DOT1L: variants seen among roughly 807,000 people sequenced by gnomAD.
DOT1L encodes the protein histone-lysine N-methyltransferase, H3 lysine-79 specific.
DOT1L carries 33 observed loss-of-function variants against 153.3 expected under a neutral mutation model. The ratio of observed to expected loss-of-function variants is 0.22; its 90% CI spans 0.16 to 0.29. DOT1L has a LOEUF of 0.29. DOT1L is among the 10% of genes least tolerant of loss of function. The pLI, the probability that DOT1L is intolerant of heterozygous loss-of-function variation, is 1.00. For synonymous variants in DOT1L, 1,135 were observed against 965.1 expected (o/e 1.18, Z -3.26); for missense variants, 1,847 against 2,119.9 (o/e 0.87, Z 2.53).
At chr19:2,209,762 C>T (rs889391262) in intron 12 of DOT1L, among the ~76,000 whole-genome samples, 4 of 152,206 alleles carry the variant, frequency 2.6e-5, no homozygotes, top group Non-Finnish European at 5.9e-5. Flanking sequence ...CGGAGAACCC[C>T]GTACAGGAAG....
At chr19:2,219,633 A>C (rs1346613477) in intron 22 of DOT1L, among the ~76,000 whole-genome samples, 3 of 152,188 alleles carry the variant, frequency 2.0e-5, no homozygotes, top group African/African-American at 7.2e-5. Context: ...GAGTGGAGCT[A>C]CTGGGTTCTG....
chr19:2,188,480 G>GCCCCCCC (rs375314788), intron 3 of DOT1L, among the ~76,000 whole-genome samples: 2 of 66,998 alleles, frequency 3.0e-5, no homozygotes, highest in Non-Finnish European at 5.7e-5. Flanking sequence ...CCCAGCCGCC[G>GCCCCCCC]CCCCCCCCCC....
intron 27 of DOT1L, chr19:2,228,202 A>G: frequency 7.3e-7 from 1 of 1,364,512 alleles, no homozygotes; most frequent in Non-Finnish European, 9.8e-7. Context: ...TTCACGGTGC[A>G]CCACCAGCCC....
chr19:2,208,319 G>C lies in DOT1L; in HGVS notation c.964-616G>C, dbSNP rs190858209. On this transcript the variant is annotated intron_variant, in intron 11 of 27. Coordinates refer to ENST00000398665, the MANE Select transcript of DOT1L (RefSeq NM_032482.3). This position sits in a 1 kb window ranked among gnomAD's most constrained non-coding sequence, Gnocchi z 4.4. The stretch of plus-strand genomic sequence containing the variant: ...CTGTTCCTGTTGTTGGGGTAGCGGT[G>C]GTTTTCCTTACGGTGGTGCTGGTGT... Among the ~76,000 whole-genome samples the C allele has an allele frequency of 7.2e-4, 109 of 152,280 alleles. 1 individual carries two copies. The highest frequency in any genetic ancestry group is 2.5e-3 in the African/African-American group (105 of 41,558).
In DOT1L at chr19:2,197,303, T is replaced by C. The variant is rs1032700465; in HGVS notation, c.652-2581T>C. ...GTGGTGTCCTGGGTTCTGGGTCCAC[T>C]TGCACTCTGGCCGGAAGTTCCCACA... On this transcript the variant is annotated intron_variant, in intron 7 of 27. Transcript: ENST00000398665. This position sits in a 1 kb window ranked among gnomAD's most constrained non-coding sequence, Gnocchi z 4.1. Among the ~76,000 whole-genome samples the C allele has an allele frequency of 6.6e-6, 1 of 152,206 alleles. No homozygotes were observed. Among genetic ancestry groups the C allele is most frequent in the African/African-American group, 2.4e-5 (1 of 41,444 alleles).
chr19:2,179,447 T>G (rs1200037478), intron 1 of DOT1L, among the ~76,000 whole-genome samples: 1 of 152,180 alleles, frequency 6.6e-6, no homozygotes, highest in African/African-American at 2.4e-5. Context: ...GGATCGCGTC[T>G]GCAACTCTTA....
chr19:2,230,173 C>A lies in DOT1L; in HGVS notation c.*381C>A, dbSNP rs745632861. The stretch of plus-strand genomic sequence containing the variant: ...CAGCCTGCCCCGGTGCTATCTCGTC[C>A]CCAGGCCCGCGCCTGCCTCCACCCG... On this transcript the variant is annotated 3_prime_UTR_variant, in exon 28 of 28. Coordinates refer to ENST00000398665, the MANE Select transcript of DOT1L (RefSeq NM_032482.3). The A allele has an allele frequency of 3.7e-5, 18 of 480,834 alleles. No homozygotes were observed. Among genetic ancestry groups the A allele is most frequent in the Non-Finnish European group, 6.2e-5 (17 of 275,368 alleles). 29.8% of individuals were successfully genotyped at this position (480,834 alleles called of 1,614,324 possible).
intron 1 of DOT1L, among the ~76,000 whole-genome samples, chr19:2,176,831 G>A (rs2021961667): frequency 6.6e-6 from 1 of 152,172 alleles, no homozygotes; most frequent in Non-Finnish European, 1.5e-5. Context: ...TGGGGAAGAC[G>A]CTATGGACAG....
At position 2,191,542 on chromosome 19, in the gene DOT1L, A is replaced by T. The variant is rs1599561637; in HGVS notation, c.493+302A>T. 6.6e-6 allele frequency among the ~76,000 whole-genome samples: 1 copy of T among 151,480 alleles called. No individual in the cohort carries two copies. Among genetic ancestry groups the T allele is most frequent in the Non-Finnish European group, 1.5e-5 (1 of 67,846 alleles). ...ACCAGCTGGGGAGCTAGACCTGTGC[A>T]CCCTCTACTGCTCGCTCCCAGAAGC... On this transcript the variant is annotated intron_variant, in intron 5 of 27. Transcript: ENST00000398665. This position sits in a 1 kb window ranked among gnomAD's most constrained non-coding sequence, Gnocchi z 6.8.
chr19:2,200,691 G>A (rs141780247), intron 8 of DOT1L, among the ~76,000 whole-genome samples: 261 of 151,930 alleles, frequency 1.7e-3, no homozygotes, highest in African/African-American at 6.0e-3. Flanking sequence ...TCCTCTCTGC[G>A]CCCCTCGTCC....
At chr19:2,227,712 C>G (rs1264910103) in intron 27 of DOT1L, 3 of 1,302,684 alleles carry the variant, frequency 2.3e-6, no homozygotes, top group Non-Finnish European at 3.0e-6. Flanking sequence ...CTTGTTGAAG[C>G]TGCGTTTTTC....
At chr19:2,186,777 C>T (rs144760331) in intron 3 of DOT1L, among the ~76,000 whole-genome samples, 237 of 152,348 alleles carry the variant, frequency 1.6e-3, no homozygotes, top group Non-Finnish European at 3.0e-3. Flanking sequence ...CAGGGTCCTG[C>T]GTGCCGACCT....
Position 2,207,780 on chromosome 19 carries a change from C to G in DOT1L, c.963+100C>G. On this transcript the variant is annotated intron_variant, in intron 11 of 27. Transcript: ENST00000398665. This position sits in a 1 kb window ranked among gnomAD's most constrained non-coding sequence, Gnocchi z 4.5. Reference sequence around the variant, plus strand: ...TTTCTCATGTGGCCTCTGAGACCCTCCCCTCAGAGCCCTCAACGCCCCCCG... The same window carrying G: ...TTTCTCATGTGGCCTCTGAGACCCTGCCCTCAGAGCCCTCAACGCCCCCCG... 3.7e-6 allele frequency: 4 copies of G among 1,084,908 alleles called. No individual in the cohort carries two copies. The highest frequency in any genetic ancestry group is 5.2e-6 in the Non-Finnish European group (4 of 764,198). 67.2% of individuals were successfully genotyped at this position (1,084,908 alleles called of 1,614,324 possible).
chr19:2,200,923 G>C (rs543703789), intron 8 of DOT1L, among the ~76,000 whole-genome samples: 2 of 128,322 alleles, frequency 1.6e-5, no homozygotes, highest in Non-Finnish European at 3.3e-5. Flanking sequence ...CGTCCTCCCC[G>C]TATTCCTCAT....
chr19:2,195,566 C>G (rs1172199464), intron 7 of DOT1L, among the ~76,000 whole-genome samples: 1 of 152,132 alleles, frequency 6.6e-6, no homozygotes, highest in African/African-American at 2.4e-5. Flanking sequence ...GCTTCCTATT[C>G]TAGACCTGGA....
intron 2 of DOT1L, among the ~76,000 whole-genome samples, chr19:2,185,104 C>G (rs745332487): frequency 2.0e-5 from 3 of 152,108 alleles, no homozygotes; most frequent in East Asian, 1.9e-4. Context: ...CGGGGTTTCT[C>G]CATGTTGGTC....
At chr19:2,199,587 A>G (rs924191938) in intron 7 of DOT1L, among the ~76,000 whole-genome samples, 1 of 152,160 alleles carries the variant, frequency 6.6e-6, no homozygotes, top group African/African-American at 2.4e-5. Context: ...CGTGGCTTGC[A>G]GGTGTGTGTT....
intron 1 of DOT1L, among the ~76,000 whole-genome samples, chr19:2,172,931 C>G (rs1426330370): frequency 6.6e-6 from 1 of 151,030 alleles, no homozygotes; most frequent in Non-Finnish European, 1.5e-5. Flanking sequence ...GAGCTGAGAT[C>G]GTGCCACTGC....
chr19:2,223,213 G>A, intron 24 of DOT1L, 68 bp from the exon 25 acceptor site: 1 of 1,559,146 alleles, frequency 6.4e-7, no homozygotes. Context: ...TCCTGGGGCG[G>A]GGGGGCTCTC....
Sources: allele counts gnomAD v4.1 joint callset (sites outside exome capture counted in the v4.1 genomes callset), GRCh38; gene constraint gnomAD v4.1.1; non-coding constraint Gnocchi (gnomAD v3.1); transcripts MANE v1.5; gene names NCBI Gene and HGNC (gene_info 2026-07-23, HGNC 2026-07-21).